NOL4: variants seen among roughly 807,000 people sequenced by gnomAD.
The protein encoded by NOL4 is nucleolar protein 4, also known as cancer/testis antigen 125.
In NOL4, 17 loss-of-function variants were observed where a neutral mutation model predicts 75.9. That is an observed-to-expected ratio of 0.22 (90% CI 0.15 to 0.34). NOL4 has a LOEUF of 0.34. Among genes scored for constraint, NOL4 ranks in the 10% least tolerant of loss-of-function variants. NOL4 has a pLI of 1.00. For missense variants in NOL4, 614 were observed against 793.5 expected (o/e 0.77, Z 2.72); for synonymous variants, 292 against 289.9 (o/e 1.01, Z -0.07).
At position 34,224,373 on chromosome 18, in the gene NOL4, T is replaced by G. The variant is rs999106254; in HGVS notation, c.-1120A>C. 6.6e-6 allele frequency: 1 copy of G among 152,648 alleles called. No homozygotes were observed. Among genetic ancestry groups the G allele is most frequent in the Non-Finnish European group, 1.5e-5 (1 of 68,416 alleles). 9.5% of individuals were successfully genotyped at this position (152,648 alleles called of 1,614,324 possible). A position where few individuals can be genotyped will look rare whatever the true frequency, so the allele number is the denominator to read the frequency against. The stretch of plus-strand genomic sequence containing the variant: ...TGTCTATTTTCCCCCTGCCACGTCA[T>G]GGACACCCCCTCCACTGCTCTGAGT... On this transcript the variant is annotated 5_prime_UTR_variant, in exon 1 of 11. An upstream start codon of the reference 5' UTR is lost. Coordinates refer to ENST00000261592, the MANE Select transcript of NOL4 (RefSeq NM_003787.5).
In NOL4 at chr18:34,093,604, A is replaced by G; in HGVS notation, c.640-7T>C. 1.3e-6 allele frequency: 2 copies of G among 1,567,420 alleles called. No individual in the cohort carries two copies. Among genetic ancestry groups the G allele is most frequent in the Non-Finnish European group, 1.7e-6 (2 of 1,151,626 alleles). On this transcript the variant is annotated splice_polypyrimidine_tract_variant and splice_region_variant and intron_variant, in intron 4 of 10. Transcript: ENST00000261592. ...TTTCTATTGAACTTTCATCCTGAAAATAGTTTTAAAATATCATCAAGCATT... is the reference window on the plus strand; with the variant it reads ...TTTCTATTGAACTTTCATCCTGAAAGTAGTTTTAAAATATCATCAAGCATT...
chr18:34,010,434 C>T (rs966629153), intron 6 of NOL4, among the ~76,000 whole-genome samples: 10 of 151,830 alleles, frequency 6.6e-5, no homozygotes, highest in African/African-American at 2.2e-4. Flanking sequence ...CAAATCTTAG[C>T]AACTGTGAAT....
chr18:33,856,517 A>G (rs1279118409), intron 10 of NOL4, among the ~76,000 whole-genome samples: 1 of 152,038 alleles, frequency 6.6e-6, no homozygotes, highest in African/African-American at 2.4e-5. Flanking sequence ...TCCTGAGTTG[A>G]ATATAAAATA....
chr18:34,048,584 T>C, intron 5 of NOL4: 3 of 985,406 alleles, frequency 3.0e-6, no homozygotes, highest in South Asian at 9.4e-5. Context: ...TTCTCTCCTC[T>C]GCACAGTAAG....
intron 9 of NOL4, among the ~76,000 whole-genome samples, chr18:33,909,759 A>G (rs1486317272): frequency 6.6e-6 from 1 of 152,148 alleles, no homozygotes; most frequent in Non-Finnish European, 1.5e-5. Flanking sequence ...AACAGAAAAA[A>G]TAAACATGAT....
intron 9 of NOL4, among the ~76,000 whole-genome samples, chr18:33,904,749 G>A (rs371761250): frequency 6.6e-6 from 1 of 152,206 alleles, no homozygotes; most frequent in East Asian, 1.9e-4. Context: ...ATCCCCATAG[G>A]AGTCCCAGTA....
intron 5 of NOL4, among the ~76,000 whole-genome samples, chr18:34,063,721 C>A (rs570081306): frequency 1.7e-4 from 26 of 151,990 alleles, no homozygotes; most frequent in Non-Finnish European, 3.7e-4. Context: ...CTTTATAAAT[C>A]ATGATGTGAA....
chr18:34,143,979 A>G (rs1254372966), intron 1 of NOL4, among the ~76,000 whole-genome samples: 2 of 151,978 alleles, frequency 1.3e-5, no homozygotes, highest in Non-Finnish European at 2.9e-5. Flanking sequence ...TTGTATAAAT[A>G]CTTCTATCAT....
In NOL4 at chr18:34,094,039, T is replaced by C. The variant is rs867336499; in HGVS notation, c.640-442A>G. Among the ~76,000 whole-genome samples the C allele has an allele frequency of 2.0e-4, 31 of 152,014 alleles. No homozygotes were observed. The South Asian group carries it at 6.4e-3, about 32-fold the overall frequency. ...CCTGGGCAACAGAGCGAGACTCGTCTCAAAAAAACAAACAAACAAACAAAC... is the reference window on the plus strand; with the variant it reads ...CCTGGGCAACAGAGCGAGACTCGTCCCAAAAAAACAAACAAACAAACAAAC... On this transcript the variant is annotated intron_variant, in intron 4 of 10. Transcript: ENST00000261592.
chr18:34,114,810 A>G (rs2145780842), intron 2 of NOL4, among the ~76,000 whole-genome samples: 1 of 152,234 alleles, frequency 6.6e-6, no homozygotes, highest in South Asian at 2.1e-4. Context: ...TGTAAATTTA[A>G]TGGACCATGG....
intron 6 of NOL4, among the ~76,000 whole-genome samples, chr18:33,977,984 G>A (rs1392537726): frequency 6.6e-6 from 1 of 152,094 alleles, no homozygotes; most frequent in African/African-American, 2.4e-5. Context: ...TGCATGGAAA[G>A]TTGCTATGGG....
chr18:34,001,317 C>T lies in NOL4; in HGVS notation c.1056+18001G>A, dbSNP rs74518221. Among the ~76,000 whole-genome samples the T allele has an allele frequency of 8.1e-3, 1,226 of 152,250 alleles. 17 individuals are homozygous for T. The highest frequency in any genetic ancestry group is 0.028 in the African/African-American group (1,183 of 41,578). ...TAATGCGAACTACATTTCCTAATCACGGACTGTAGGTTTGTTCTACTACGC... is the reference window on the plus strand; with the variant it reads ...TAATGCGAACTACATTTCCTAATCATGGACTGTAGGTTTGTTCTACTACGC... On this transcript the variant is annotated intron_variant, in intron 6 of 10. Coordinates refer to ENST00000261592, the MANE Select transcript of NOL4 (RefSeq NM_003787.5).
intron 6 of NOL4, among the ~76,000 whole-genome samples, chr18:34,015,358 C>T (rs1156967756): frequency 1.3e-5 from 2 of 152,016 alleles, no homozygotes; most frequent in Non-Finnish European, 2.9e-5. Context: ...TTTGAATCCA[C>T]CTCTGAGCAC....
At chr18:33,945,692 G>A (rs1331110444) in intron 8 of NOL4, among the ~76,000 whole-genome samples, 1 of 151,650 alleles carries the variant, frequency 6.6e-6, no homozygotes, top group East Asian at 1.9e-4. Flanking sequence ...AAGCAACCAT[G>A]CACACTATCC....
rs777558112 is a variant in NOL4 at position 34,212,446 on chromosome 18, CAT to C, written c.264+10542_264+10543del. Among the ~76,000 whole-genome samples, 115 of 152,342 alleles carry C rather than the reference CAT, an allele frequency of 7.5e-4. 1 individual carries two copies. The highest frequency in any genetic ancestry group is 2.0e-3 in the African/African-American group (84 of 41,584). Reference sequence around the variant, plus strand: ...TAAAAATTGACCTGTTAATTACACACATGTTTTTGGTAAATTTTACATTAAAG... The same window carrying C: ...TAAAAATTGACCTGTTAATTACACACGTTTTTGGTAAATTTTACATTAAAG... On this transcript the variant is annotated intron_variant, in intron 1 of 10. Transcript: ENST00000261592.
chr18:33,900,657 T>C (rs888040611), intron 9 of NOL4, among the ~76,000 whole-genome samples: 1 of 152,184 alleles, frequency 6.6e-6, no homozygotes, highest in African/African-American at 2.4e-5. Flanking sequence ...TAAACTGCCA[T>C]GAAAACTGTT....
chr18:34,161,775 T>C (rs893631349), intron 1 of NOL4, among the ~76,000 whole-genome samples: 3 of 152,140 alleles, frequency 2.0e-5, no homozygotes, highest in African/African-American at 7.2e-5. Context: ...AGATTTGAGA[T>C]TAGATATATG....
intron 5 of NOL4, among the ~76,000 whole-genome samples, chr18:34,022,998 TG>T (rs1230054567): frequency 6.6e-6 from 1 of 152,144 alleles, no homozygotes; most frequent in African/African-American, 2.4e-5. Flanking sequence ...TATTTTTAGA[TG>T]GAGTAGTTCA....
intron 6 of NOL4, among the ~76,000 whole-genome samples, chr18:34,016,486 A>C (rs2074701166): frequency 6.6e-6 from 1 of 152,058 alleles, no homozygotes; most frequent in Non-Finnish European, 1.5e-5. Flanking sequence ...TTTATACTTC[A>C]TCCCTTCACA....
Sources: gnomAD v4.1 joint callset for allele counts (sites outside exome capture counted in the v4.1 genomes callset) on GRCh38, gnomAD v4.1.1 for gene constraint, MANE v1.5 for transcripts, NCBI Gene and HGNC (gene_info 2026-07-23, HGNC 2026-07-21) for gene names.